Variants in WWOX observed in about 807,000 individuals in gnomAD.
The protein encoded by WWOX is WW domain containing oxidoreductase.
A neutral mutation model predicts 46.2 loss-of-function variants in WWOX; 69 were observed. That is an observed-to-expected ratio of 1.49 (90% CI 1.23 to 1.82). The LOEUF is 1.82. Ranked by LOEUF, WWOX falls within the 40% of genes most tolerant of loss-of-function variation. WWOX has a pLI of 0.00. For synonymous variants in WWOX, 359 were observed against 202.6 expected, an observed-to-expected ratio of 1.77 and a Z score of -6.56; for missense variants, 919 against 542.6, an observed-to-expected ratio of 1.69 and a Z score of -6.89.
chr16:79,079,619 G>C (rs867083064), intron 8 of WWOX, among the ~76,000 whole-genome samples: 2 of 152,152 alleles, frequency 1.3e-5, no homozygotes, highest in African/African-American at 4.8e-5. Context: ...GCTTTGACCT[G>C]TCATTCACTA....
chr16:78,988,879 C>G (rs532398877), intron 8 of WWOX, among the ~76,000 whole-genome samples: 21 of 152,244 alleles, frequency 1.4e-4, no homozygotes, highest in African/African-American at 3.4e-4. Context: ...AGTGGAGAAA[C>G]GAGCTCTGGT....
chr16:78,224,999 C>G (rs1201068996), intron 5 of WWOX, among the ~76,000 whole-genome samples: 1 of 152,096 alleles, frequency 6.6e-6, no homozygotes, highest in African/African-American at 2.4e-5. Context: ...TTTAAATGTT[C>G]AAGACATTAA....
intron 8 of WWOX, among the ~76,000 whole-genome samples, chr16:78,504,879 G>A (rs1483112126): frequency 6.6e-6 from 1 of 152,050 alleles, no homozygotes; most frequent in Non-Finnish European, 1.5e-5. Context: ...CTTAATCTGA[G>A]CAGTTTCGAA....
chr16:78,969,263 C>G (rs1268627646), intron 8 of WWOX, among the ~76,000 whole-genome samples: 1 of 138,738 alleles, frequency 7.2e-6, no homozygotes, highest in Non-Finnish European at 1.6e-5. Flanking sequence ...CTCTCTCTCT[C>G]TCTCTCTTTT....
At chr16:78,996,404 A>G (rs1268311679) in intron 8 of WWOX, 4 of 864,010 alleles carry the variant, frequency 4.6e-6, no homozygotes, top group Admixed American at 1.3e-4. Flanking sequence ...CCCCACCTGT[A>G]AAATGATTTG....
chr16:79,178,675 C>T (rs544208175), intron 8 of WWOX, among the ~76,000 whole-genome samples: 1 of 152,248 alleles, frequency 6.6e-6, no homozygotes, highest in African/African-American at 2.4e-5. Context: ...AATCCGTAGT[C>T]CATTTTTAAG....
chr16:79,077,760 A>G lies in WWOX; in HGVS notation c.1057-133848A>G, dbSNP rs1490284289. Among the ~76,000 whole-genome samples the G allele has an allele frequency of 2.7e-5, 4 of 150,694 alleles. No individual in the cohort carries two copies. The East Asian group carries it at 5.9e-4, about 22-fold the overall frequency. On this transcript the variant is annotated intron_variant, in intron 8 of 8. Transcript: ENST00000566780. ...TCTTTCCAAATCCTTTTGTTTTGTT[A>G]TCATTTGCTAATAGAGATCTTTGAA...
chr16:79,143,689 G>A (rs75123924), intron 8 of WWOX, among the ~76,000 whole-genome samples: 4,976 of 152,194 alleles, frequency 0.033, 105 homozygotes, highest in Middle Eastern at 0.054. Context: ...CTTGTGTGTG[G>A]TGACTCATTT....
In WWOX at chr16:78,675,031, G is replaced by A. The variant is rs150618205; in HGVS notation, c.1056+242279G>A. Reference sequence around the variant, plus strand: ...AAATATTTGTGTTAATATTATATATGTACATTACATGGTAAGTGCTAAGTA... The same window carrying A: ...AAATATTTGTGTTAATATTATATATATACATTACATGGTAAGTGCTAAGTA... On this transcript the variant is annotated intron_variant, in intron 8 of 8. Transcript: ENST00000566780. Among the ~76,000 whole-genome samples the A allele has an allele frequency of 1.7e-3, 265 of 152,256 alleles. 1 individual carries two copies. Among genetic ancestry groups the A allele is most frequent in the Middle Eastern group, 6.8e-3 (2 of 294 alleles).
chr16:78,952,483 G>T (rs527824585), intron 8 of WWOX, among the ~76,000 whole-genome samples: 1 of 151,286 alleles, frequency 6.6e-6, no homozygotes, highest in Non-Finnish European at 1.5e-5. Flanking sequence ...CCCAGGTTCA[G>T]GCGATTCTCC....
intron 8 of WWOX, among the ~76,000 whole-genome samples, chr16:78,917,664 C>G (rs1034105950): frequency 1.3e-5 from 2 of 152,098 alleles, no homozygotes; most frequent in Non-Finnish European, 2.9e-5. Flanking sequence ...CATTTAATAT[C>G]TCTTGCTTTC....
chr16:78,740,232 A>C (rs1184133704), intron 8 of WWOX, among the ~76,000 whole-genome samples: 1 of 152,200 alleles, frequency 6.6e-6, no homozygotes, highest in African/African-American at 2.4e-5. Flanking sequence ...GGAAGGCTGG[A>C]GTCTTCAGGC....
chr16:78,439,147 A>C (rs1185561558), intron 8 of WWOX, among the ~76,000 whole-genome samples: 4 of 152,190 alleles, frequency 2.6e-5, no homozygotes, highest in African/African-American at 9.6e-5. Flanking sequence ...CATACAAGGC[A>C]GAGGGTGTAT....
intron 8 of WWOX, among the ~76,000 whole-genome samples, chr16:78,942,412 A>G (rs2045869980): frequency 6.6e-6 from 1 of 152,136 alleles, no homozygotes; most frequent in African/African-American, 2.4e-5. Flanking sequence ...AGCAGTTTTG[A>G]GGACACACTG....
At chr16:78,686,657 A>T (rs550410195) in intron 8 of WWOX, among the ~76,000 whole-genome samples, 1 of 152,310 alleles carries the variant, frequency 6.6e-6, no homozygotes, top group East Asian at 1.9e-4. Context: ...GAAGTCCTCC[A>T]GTTTGAGAAC....
intron 5 of WWOX, among the ~76,000 whole-genome samples, chr16:78,368,939 A>G (rs934342857): frequency 6.6e-6 from 1 of 151,846 alleles, no homozygotes; most frequent in Non-Finnish European, 1.5e-5. Context: ...GTTGCTCTCT[A>G]CTGCTCCTCA....
In WWOX at chr16:78,994,838, G is replaced by T. The variant is rs559634054; in HGVS notation, c.1057-216770G>T. On this transcript the variant is annotated intron_variant, in intron 8 of 8. Coordinates refer to ENST00000566780, the MANE Select transcript of WWOX (RefSeq NM_016373.4). ...ATGCACCATTTGCCGTTGCACTAGG[G>T]CTCTTTTCAGGAGCTGTGAAGCCAT... 5.3e-5 allele frequency among the ~76,000 whole-genome samples: 8 copies of T among 152,148 alleles called. No individual in the cohort carries two copies. The South Asian group carries it at 1.7e-3, about 32-fold the overall frequency.
At chr16:78,375,225 G>A (rs957196853) in intron 5 of WWOX, among the ~76,000 whole-genome samples, 4 of 152,148 alleles carry the variant, frequency 2.6e-5, no homozygotes, top group Admixed American at 6.5e-5. Flanking sequence ...ACTGTTACAC[G>A]TTTACTGCAT....
At chr16:78,508,309 CCTTTTTTTTTTTTT>C (rs2085268523) in intron 8 of WWOX, among the ~76,000 whole-genome samples, 2 of 81,264 alleles carry the variant, frequency 2.5e-5, no homozygotes, top group East Asian at 3.9e-4. Flanking sequence ...CTGCGCCCGG[CCTTTTTTTTTTTTT>C]TTTTTTTTTT....
Sources: gnomAD v4.1 joint callset for allele counts (sites outside exome capture counted in the v4.1 genomes callset) on GRCh38, gnomAD v4.1.1 for gene constraint, MANE v1.5 for transcripts, NCBI Gene and HGNC (gene_info 2026-07-23, HGNC 2026-07-21) for gene names.